Variants in ESR1 observed in about 807,000 individuals in gnomAD.
ESR1 encodes estrogen receptor.
In ESR1, 12 loss-of-function variants were observed where a neutral mutation model predicts 52.7. The observed-to-expected ratio is 0.23, with a 90% CI of 0.15 to 0.37. The LOEUF is 0.37. Ranked by LOEUF, ESR1 falls within the 10% of genes least tolerant of loss-of-function variation. ESR1 has a pLI of 1.00. For missense variants in ESR1, 584 were observed against 779.7 expected, an observed-to-expected ratio of 0.75 and a Z score of 2.99; for synonymous variants, 305 against 316.8, an observed-to-expected ratio of 0.96 and a Z score of 0.39.
At chr6:151,704,191 A>AT (rs909033816) in intron 2 of ESR1, among the ~76,000 whole-genome samples, 1 of 152,014 alleles carries the variant, frequency 6.6e-6, no homozygotes, top group Non-Finnish European at 1.5e-5. Flanking sequence ...ACTCTTTCAT[A>AT]TTTTTTTTAA....
At chr6:151,808,487 C>A in intron 1 of ESR1, 123 bp downstream of exon 1, 1 of 861,884 alleles carries the variant, frequency 1.2e-6, no homozygotes, top group Non-Finnish European at 1.6e-6. Flanking sequence ...CCCGAGGGTG[C>A]GCGCAGGGAG....
chr6:152,024,305 T>G (rs2043939560), intron 5 of ESR1, among the ~76,000 whole-genome samples: 1 of 152,080 alleles, frequency 6.6e-6, no homozygotes, highest in Non-Finnish European at 1.5e-5. Flanking sequence ...ATTCTGGCCA[T>G]GCTATCCCAC....
chr6:152,080,119 T>C (rs1355115089), intron 6 of ESR1, among the ~76,000 whole-genome samples: 1 of 152,108 alleles, frequency 6.6e-6, no homozygotes, highest in Non-Finnish European at 1.5e-5. Context: ...CAGGCCAACA[T>C]TCAAATTCAG....
chr6:152,042,131 T>C (rs2045854140), intron 5 of ESR1, among the ~76,000 whole-genome samples: 1 of 152,210 alleles, frequency 6.6e-6, no homozygotes. Flanking sequence ...TTTGATTTAC[T>C]ATTTTTCTAG....
intron 2 of ESR1, among the ~76,000 whole-genome samples, chr6:151,731,517 C>T (rs2982561): frequency 0.45 from 68,666 of 151,874 alleles, 16,782 homozygotes; most frequent in Non-Finnish European, 0.54. Context: ...ACAAGAGAGA[C>T]GGTTAGAAAT....
chr6:151,788,169 A>G (rs1787197720), intron 2 of ESR1, among the ~76,000 whole-genome samples: 3 of 152,230 alleles, frequency 2.0e-5, no homozygotes, highest in Admixed American at 2.0e-4. Context: ...CAGAGTAAAC[A>G]GACAACCTAC....
intron 6 of ESR1, among the ~76,000 whole-genome samples, chr6:152,091,486 TG>T (rs1217617954): frequency 6.6e-6 from 1 of 152,218 alleles, no homozygotes; most frequent in African/African-American, 2.4e-5. Context: ...AGGCAATATC[TG>T]CTCTTAAAAC....
At chr6:152,065,174 G>T (rs560106145) in intron 6 of ESR1, among the ~76,000 whole-genome samples, 1 of 152,188 alleles carries the variant, frequency 6.6e-6, no homozygotes, top group Non-Finnish European at 1.5e-5. Context: ...CAATAGAGAC[G>T]ACCATGGCTG....
At chr6:151,787,783 A>T (rs146694207) in intron 2 of ESR1, among the ~76,000 whole-genome samples, 141 of 152,298 alleles carry the variant, frequency 9.3e-4, no homozygotes, top group Middle Eastern at 3.4e-3. Context: ...GGGACATGTC[A>T]TCTGCAAATA....
intron 3 of ESR1, among the ~76,000 whole-genome samples, chr6:151,942,158 T>A (rs2035146170): frequency 6.6e-6 from 1 of 152,232 alleles, no homozygotes; most frequent in Non-Finnish European, 1.5e-5. Context: ...AAAGTTGAAA[T>A]GCCTGATCCA....
intron 2 of ESR1, among the ~76,000 whole-genome samples, chr6:151,749,641 T>C (rs1050933657): frequency 6.6e-6 from 1 of 152,202 alleles, no homozygotes; most frequent in African/African-American, 2.4e-5. Context: ...AAGCCACTTC[T>C]AGTTGCAGGG....
At chr6:151,940,230 C>G (rs1263734964) in intron 3 of ESR1, among the ~76,000 whole-genome samples, 1 of 152,120 alleles carries the variant, frequency 6.6e-6, no homozygotes, top group Non-Finnish European at 1.5e-5. Flanking sequence ...ATGAGAACAG[C>G]ACAGGAAAAA....
chr6:151,788,257 C>T (rs1787206668), intron 2 of ESR1, among the ~76,000 whole-genome samples: 1 of 151,878 alleles, frequency 6.6e-6, no homozygotes, highest in South Asian at 2.1e-4. Flanking sequence ...CTTAAATTTA[C>T]AAGAAAAAAA....
intron 1 of ESR1, among the ~76,000 whole-genome samples, chr6:151,828,643 G>A (rs1314766762): frequency 6.6e-6 from 1 of 152,124 alleles, no homozygotes; most frequent in Admixed American, 6.5e-5. Flanking sequence ...ATATGTAGGT[G>A]TTACTCTAAG....
intron 5 of ESR1, among the ~76,000 whole-genome samples, chr6:152,044,721 A>G (rs1488872265): frequency 6.6e-6 from 1 of 152,200 alleles, no homozygotes; most frequent in South Asian, 2.1e-4. Flanking sequence ...AGACTTAGCC[A>G]GTCTAGTCCT....
chr6:152,060,179 C>A (rs2047438925), intron 5 of ESR1, among the ~76,000 whole-genome samples: 1 of 152,114 alleles, frequency 6.6e-6, no homozygotes, highest in Non-Finnish European at 1.5e-5. Flanking sequence ...ATGTTATGCA[C>A]CTTTGGTTTG....
intron 2 of ESR1, among the ~76,000 whole-genome samples, chr6:151,799,408 A>G (rs1452524093): frequency 6.6e-6 from 1 of 152,224 alleles, no homozygotes; most frequent in Non-Finnish European, 1.5e-5. Flanking sequence ...ATTGTCCTCC[A>G]AGCTCTGGTT....
intron 5 of ESR1, among the ~76,000 whole-genome samples, chr6:152,027,807 G>C (rs988889489): frequency 6.6e-6 from 1 of 152,116 alleles, no homozygotes; most frequent in Non-Finnish European, 1.5e-5. Flanking sequence ...TGAATATGTA[G>C]ACTCAAATCA....
In ESR1 at chr6:152,037,225, GGA is replaced by G. The variant is rs1239100452; in HGVS notation, c.1236-23760_1236-23759del. Among the ~76,000 whole-genome samples the G allele has an allele frequency of 3.3e-5, 5 of 152,008 alleles. No homozygotes were observed. The East Asian group carries it at 9.6e-4, about 29-fold the overall frequency. On this transcript the variant is annotated intron_variant, in intron 5 of 7. Coordinates refer to ENST00000206249, the MANE Select transcript of ESR1 (RefSeq NM_000125.4). The stretch of plus-strand genomic sequence containing the variant: ...AAAGCCTGGGAAATATTTAATGAAG[GGA>G]GAGAGGGGGAGAGAGTGAGCATGCA...
Sources: allele counts gnomAD v4.1 joint callset (sites outside exome capture counted in the v4.1 genomes callset), GRCh38; gene constraint gnomAD v4.1.1; transcripts MANE v1.5; gene names NCBI Gene and HGNC (gene_info 2026-07-23, HGNC 2026-07-21).